The following ANK2 variants were observed in gnomAD, a reference collection of about 807,000 sequenced individuals.
ANK2 encodes the protein ankyrin 2.
Under a neutral mutation model 360.5 loss-of-function variants are expected in ANK2, and 83 were observed. The ratio of observed to expected loss-of-function variants is 0.23; its 90% confidence interval spans 0.19 to 0.28. ANK2 has a LOEUF of 0.28. Among genes scored for constraint, ANK2 ranks in the 10% least tolerant of loss-of-function variants. The pLI is 1.00. For missense variants in ANK2, 4,201 were observed against 4,795.7 expected (o/e 0.88, Z 3.66); for synonymous variants, 1,740 against 1,759.5 (o/e 0.99, Z 0.28).
At chr4:112,793,333 T>C in the ANK2 span, among the ~76,000 whole-genome samples, 1 of 152,190 alleles carries the variant, frequency 6.6e-6, no homozygotes, top group African/African-American at 2.4e-5. Context: ...TAAATGTGTT[T>C]CTTTAAGAAA....
intron 26 of ANK2, among the ~76,000 whole-genome samples, chr4:113,321,963 C>T (rs1316102785): frequency 6.6e-6 from 1 of 152,274 alleles, no homozygotes; most frequent in East Asian, 1.9e-4. Context: ...AATACCTGAC[C>T]TCAGGTGATT....
In ANK2 at chr4:113,084,691, G is replaced by C. The variant is rs571484018; in HGVS notation, c.84+34879G>C. Among the ~76,000 whole-genome samples, 14 of 152,242 alleles carry C rather than the reference G, an allele frequency of 9.2e-5. No homozygotes were observed. The East Asian group carries it at 2.7e-3, about 29-fold the overall frequency. ...AGGTCTAAAATTCCCTCTTTCTGTA[G>C]TTGCTCAAATAAAACTGCTAAGCAA... On this transcript the variant is annotated intron_variant, in intron 1 of 45. Coordinates refer to ENST00000357077, the MANE Select transcript of ANK2 (RefSeq NM_001148.6).
intron 2 of ANK2, among the ~76,000 whole-genome samples, chr4:113,015,945 A>G (rs1227996024): frequency 6.6e-6 from 1 of 152,242 alleles, no homozygotes; most frequent in Non-Finnish European, 1.5e-5. Flanking sequence ...GGCAAAACAT[A>G]CACAAACTTT....
intron 22 of ANK2, among the ~76,000 whole-genome samples, chr4:113,293,883 A>G (rs1317760452): frequency 6.6e-6 from 1 of 151,898 alleles, no homozygotes; most frequent in Non-Finnish European, 1.5e-5. Flanking sequence ...GCGGTAACAC[A>G]CTCCACTGCA....
chr4:112,946,162 C>T (rs1283318484), intron 2 of ANK2, among the ~76,000 whole-genome samples: 9 of 152,140 alleles, frequency 5.9e-5, no homozygotes, highest in East Asian at 3.9e-4. Flanking sequence ...TGCCTTTCCT[C>T]GGCTTTGAGA....
intron 1 of ANK2, among the ~76,000 whole-genome samples, chr4:113,073,993 T>C (rs550840542): frequency 6.6e-6 from 1 of 152,282 alleles, no homozygotes; most frequent in South Asian, 2.1e-4. Flanking sequence ...GAAAAGTAAA[T>C]TGGACTCAGT....
At chr4:113,159,232 A>ACACAC (rs2097422227) in intron 1 of ANK2, among the ~76,000 whole-genome samples, 2 of 113,866 alleles carry the variant, frequency 1.8e-5, no homozygotes, top group South Asian at 3.1e-4. Flanking sequence ...CACACACACT[A>ACACAC]GTTTATATTA....
the ANK2 span, among the ~76,000 whole-genome samples, chr4:112,720,320 C>T: frequency 2.6e-5 from 4 of 152,184 alleles, no homozygotes; most frequent in South Asian, 8.3e-4. Flanking sequence ...TCTTGTGGGT[C>T]CTTCAAACAT....
chr4:113,092,183 T>C (rs1698474747), intron 1 of ANK2, among the ~76,000 whole-genome samples: 1 of 152,222 alleles, frequency 6.6e-6, no homozygotes, highest in African/African-American at 2.4e-5. Flanking sequence ...AGATGAAAAT[T>C]ACGGTGAGAC....
the ANK2 span, chr4:112,738,843 A>G: frequency 1.6e-5 from 10 of 640,538 alleles, no homozygotes; most frequent in Non-Finnish European, 2.6e-5. Context: ...GATGCCCAAC[A>G]TTGGTTATGG....
rs1020685198 is a variant in ANK2 at position 112,826,932 on chromosome 4, A to G, written c.-40+8668A>G. ...AGAAAATGCCTGTGTCTTAGCAACA[A>G]ACTCTGAATTGGTTGGCACACTCAT... On this transcript the variant is annotated intron_variant, in intron 1 of 30. Transcript: ENST00000503271. 77 of 1,536,666 alleles carry G rather than the reference A, an allele frequency of 5.0e-5. No homozygotes were observed. The African/African-American group carries it at 9.1e-4, about 18-fold the overall frequency.
the ANK2 span, among the ~76,000 whole-genome samples, chr4:112,811,496 C>T: frequency 6.6e-6 from 1 of 152,072 alleles, no homozygotes; most frequent in Non-Finnish European, 1.5e-5. Context: ...TAAGATCGAT[C>T]TTTAGATTAA....
intron 2 of ANK2, among the ~76,000 whole-genome samples, chr4:112,958,502 G>C (rs1246948291): frequency 2.0e-5 from 3 of 152,212 alleles, no homozygotes; most frequent in Non-Finnish European, 4.4e-5. Flanking sequence ...GCTGAGGCAG[G>C]AGAATCAGGC....
intron 2 of ANK2, among the ~76,000 whole-genome samples, chr4:112,952,013 A>G (rs574929888): frequency 6.6e-6 from 1 of 152,304 alleles, no homozygotes; most frequent in African/African-American, 2.4e-5. Context: ...ACTATTTCTC[A>G]CCATTGTACA....
intron 1 of ANK2, among the ~76,000 whole-genome samples, chr4:113,138,373 G>A (rs187791416): frequency 2.6e-5 from 4 of 152,202 alleles, no homozygotes; most frequent in African/African-American, 9.6e-5. Flanking sequence ...CTCTGATGTC[G>A]GTGCAACACA....
At position 113,373,270 on chromosome 4, in the gene ANK2, T is replaced by C. The variant is rs746896680; in HGVS notation, c.11695-15T>C. The C allele has an allele frequency of 6.2e-7, 1 of 1,614,040 alleles. No homozygotes were observed. Among genetic ancestry groups the C allele is most frequent in the Non-Finnish European group, 8.5e-7 (1 of 1,179,930 alleles). On this transcript the variant is annotated splice_polypyrimidine_tract_variant and intron_variant, in intron 44 of 45. Transcript: ENST00000357077. ...GTCACACAAAAATAAGATACACAAA[T>C]GAAATACATTTCAGGTTACTAGGAA...
intron 22 of ANK2, among the ~76,000 whole-genome samples, chr4:113,298,362 A>G (rs2073080591): frequency 6.6e-6 from 1 of 152,200 alleles, no homozygotes; most frequent in African/African-American, 2.4e-5. Flanking sequence ...TGAGGGCCTT[A>G]AAAGGTGGCA....
At chr4:113,238,924 C>T (rs2099404376) in intron 7 of ANK2, among the ~76,000 whole-genome samples, 1 of 152,060 alleles carries the variant, frequency 6.6e-6, no homozygotes, top group Non-Finnish European at 1.5e-5. Flanking sequence ...AATGATATTA[C>T]TATATTTAAA....
In ANK2 at chr4:113,292,630, G is replaced by C. The variant is rs918528534; in HGVS notation, c.2376+116G>C. The stretch of plus-strand genomic sequence containing the variant: ...TCCTCCTCTTTAAATAAGCCCCCTG[G>C]ACTCTGGAAAGCCCCAGATTTTTGG... On this transcript the variant is annotated intron_variant, in intron 21 of 45. Coordinates refer to ENST00000357077, the MANE Select transcript of ANK2 (RefSeq NM_001148.6). The C allele has an allele frequency of 7.8e-6, 9 of 1,155,192 alleles. No individual in the cohort carries two copies. The East Asian group carries it at 2.3e-4, about 30-fold the overall frequency. The allele number at this position is 1,155,192 out of a possible 1,614,324, so 71.6% of individuals were successfully genotyped here. A position where few individuals can be genotyped will look rare whatever the true frequency, so the allele number is the denominator to read the frequency against.
Sources: allele counts gnomAD v4.1 joint callset (sites outside exome capture counted in the v4.1 genomes callset), GRCh38; gene constraint gnomAD v4.1.1; transcripts MANE v1.5; gene names NCBI Gene and HGNC (gene_info 2026-07-23, HGNC 2026-07-21).